Variants in KCNIP4 observed in about 807,000 individuals in gnomAD.
KCNIP4 encodes the protein Kv channel-interacting protein 4.
In KCNIP4, 12 loss-of-function variants were observed where a neutral mutation model predicts 34.0. The ratio of observed to expected loss-of-function variants is 0.35; its 90% confidence interval spans 0.23 to 0.57. The LOEUF (loss-of-function observed/expected upper bound fraction) is 0.57. Ranked by LOEUF, KCNIP4 falls within the 20% of genes least tolerant of loss-of-function variation. KCNIP4 has a pLI of 0.83. For synonymous variants in KCNIP4, 124 were observed against 102.2 expected (o/e 1.21, Z -1.29); for missense variants, 238 against 311.7 (o/e 0.76, Z 1.78).
rs770461934 is a variant in KCNIP4, at chr4:21,712,201, TC to T, written c.61+236369del. Among the ~76,000 whole-genome samples, 5 of 152,284 alleles carry T rather than the reference TC, an allele frequency of 3.3e-5. No homozygotes were observed. The East Asian group carries it at 9.6e-4, about 29-fold the overall frequency. On this transcript the variant is annotated intron_variant, in intron 1 of 8. Coordinates refer to ENST00000382152, the MANE Select transcript of KCNIP4 (RefSeq NM_025221.6). ...AAATATTACAGAATAATATAATCCT[TC>T]CCGTTCTAAAATATTTTTAAAGAAT...
intron 1 of KCNIP4, among the ~76,000 whole-genome samples, chr4:21,121,589 A>C (rs1399766756): frequency 6.6e-6 from 1 of 152,258 alleles, no homozygotes; most frequent in East Asian, 1.9e-4. Context: ...TTATTAAAAT[A>C]CTACTTCTAA....
chr4:21,035,294 T>C (rs1741357834), intron 1 of KCNIP4, among the ~76,000 whole-genome samples: 1 of 152,206 alleles, frequency 6.6e-6, no homozygotes, highest in Non-Finnish European at 1.5e-5. Context: ...CTAATTTTAA[T>C]ATATATGAAA....
intron 1 of KCNIP4, among the ~76,000 whole-genome samples, chr4:21,455,317 G>A (rs1728835611): frequency 6.6e-6 from 1 of 151,890 alleles, no homozygotes; most frequent in Non-Finnish European, 1.5e-5. Flanking sequence ...GACCCTAAAG[G>A]GCATCTATTA....
intron 1 of KCNIP4, among the ~76,000 whole-genome samples, chr4:21,751,696 T>C (rs1459274): frequency 0.62 from 94,879 of 151,932 alleles, 31,116 homozygotes; most frequent in African/African-American, 0.77. Context: ...AGGTAATGTG[T>C]CCAAGTTTTA....
intron 1 of KCNIP4, among the ~76,000 whole-genome samples, chr4:21,273,196 T>C (rs1012735189): frequency 7.9e-5 from 12 of 152,154 alleles, no homozygotes; most frequent in Non-Finnish European, 1.6e-4. Flanking sequence ...CATGATCCCC[T>C]TGACTTAACA....
chr4:21,032,556 A>T (rs1459763189), intron 1 of KCNIP4, among the ~76,000 whole-genome samples: 1 of 152,142 alleles, frequency 6.6e-6, no homozygotes, highest in East Asian at 1.9e-4. Context: ...CTTTTCATAG[A>T]AAACTTCCTG....
chr4:20,910,765 G>C (rs1003730538), intron 1 of KCNIP4, among the ~76,000 whole-genome samples: 1 of 152,024 alleles, frequency 6.6e-6, no homozygotes, highest in Non-Finnish European at 1.5e-5. Flanking sequence ...CCTCTTCTTA[G>C]TGTTTGTAAA....
chr4:21,828,454 A>T (rs1722799720), intron 1 of KCNIP4, among the ~76,000 whole-genome samples: 1 of 151,994 alleles, frequency 6.6e-6, no homozygotes, highest in Non-Finnish European at 1.5e-5. Flanking sequence ...AAGATATAAT[A>T]ACAAGACTTT....
chr4:21,116,281 A>G (rs1231531588), intron 1 of KCNIP4, among the ~76,000 whole-genome samples: 1 of 152,224 alleles, frequency 6.6e-6, no homozygotes, highest in East Asian at 1.9e-4. Flanking sequence ...TTGGAATCCA[A>G]GAAACTTAAA....
At chr4:21,385,610 T>G (rs1187628412) in intron 1 of KCNIP4, among the ~76,000 whole-genome samples, 1 of 152,128 alleles carries the variant, frequency 6.6e-6, no homozygotes, top group Admixed American at 6.6e-5. Flanking sequence ...AGCAAAAGGA[T>G]TCACATATTT....
At chr4:21,448,469 T>C (rs953293390) in intron 1 of KCNIP4, among the ~76,000 whole-genome samples, 1 of 152,140 alleles carries the variant, frequency 6.6e-6, no homozygotes, top group Non-Finnish European at 1.5e-5. Flanking sequence ...ACTATAAACT[T>C]AGATATTTAG....
At chr4:20,898,881 T>A (rs866682378) in intron 1 of KCNIP4, among the ~76,000 whole-genome samples, 3 of 152,214 alleles carry the variant, frequency 2.0e-5, no homozygotes, top group African/African-American at 7.2e-5. Flanking sequence ...ATTTTACATA[T>A]GTTATCACTC....
intron 1 of KCNIP4, among the ~76,000 whole-genome samples, chr4:21,709,093 G>T (rs1713511294): frequency 6.6e-6 from 1 of 151,982 alleles, no homozygotes; most frequent in African/African-American, 2.4e-5. Context: ...GAGAGGCACA[G>T]AACTTTCTGT....
In KCNIP4 at chr4:21,742,308, A is replaced by G. The variant is rs368462401; in HGVS notation, c.61+206263T>C. 5.9e-5 allele frequency among the ~76,000 whole-genome samples: 9 copies of G among 152,298 alleles called. No homozygotes were observed. The East Asian group carries it at 1.2e-3, about 20-fold the overall frequency. ...TCTCCTTTGCAGATGGATGTGTTAA[A>G]TAGTCTGGGCTTATTGTCCCTAAGT... On this transcript the variant is annotated intron_variant, in intron 1 of 8. Coordinates refer to ENST00000382152, the MANE Select transcript of KCNIP4 (RefSeq NM_025221.6).
intron 1 of KCNIP4, among the ~76,000 whole-genome samples, chr4:21,755,296 A>G (rs2109152596): frequency 6.6e-6 from 1 of 152,340 alleles, no homozygotes; most frequent in Admixed American, 6.5e-5. Context: ...GGTTGGCAGA[A>G]GGAAATTAGA....
intron 1 of KCNIP4, among the ~76,000 whole-genome samples, chr4:20,957,193 TTTC>T (rs1299958381): frequency 6.6e-6 from 1 of 152,214 alleles, no homozygotes; most frequent in Non-Finnish European, 1.5e-5. Flanking sequence ...CTCGGTTTTC[TTTC>T]TTCAGATTCC....
intron 1 of KCNIP4, among the ~76,000 whole-genome samples, chr4:21,749,351 T>C (rs985332472): frequency 2.6e-5 from 4 of 152,140 alleles, no homozygotes; most frequent in Non-Finnish European, 5.9e-5. Context: ...TTTGTCAATG[T>C]TGGGTAATTA....
chr4:21,347,453 T>A (rs1319873483), intron 1 of KCNIP4, among the ~76,000 whole-genome samples: 1 of 152,176 alleles, frequency 6.6e-6, no homozygotes, highest in African/African-American at 2.4e-5. Flanking sequence ...CCCTCCAGTG[T>A]ATTCCATGAG....
At chr4:20,948,982 C>A (rs1553919523) in intron 1 of KCNIP4, among the ~76,000 whole-genome samples, 2 of 152,164 alleles carry the variant, frequency 1.3e-5, no homozygotes, top group Non-Finnish European at 2.9e-5. Context: ...ATCCCTGCCA[C>A]CCCTTTTGTA....
Sources: gnomAD v4.1 joint callset for allele counts (sites outside exome capture counted in the v4.1 genomes callset) on GRCh38, gnomAD v4.1.1 for gene constraint, MANE v1.5 for transcripts, NCBI Gene and HGNC (gene_info 2026-07-23, HGNC 2026-07-21) for gene names.